The following RAPGEF2 variants were observed in gnomAD, a reference collection of about 807,000 sequenced individuals.
RAPGEF2 encodes the protein Rap guanine nucleotide exchange factor 2, also known as PDZ domain containing guanine nucleotide exchange factor (GEF) 1.
Under a neutral mutation model 186.7 loss-of-function variants are expected in RAPGEF2, and 54 were observed. The ratio of observed to expected loss-of-function variants is 0.29; its 90% CI spans 0.23 to 0.36. RAPGEF2 has a LOEUF of 0.36. Ranked by LOEUF, RAPGEF2 falls within the 10% of genes least tolerant of loss-of-function variation. The pLI, the probability that RAPGEF2 is intolerant of heterozygous loss-of-function variation, is 1.00. For synonymous variants in RAPGEF2, 712 were observed against 705.9 expected, an observed-to-expected ratio of 1.01 and a Z score of -0.14; for missense variants, 1,532 against 2,045.0, an observed-to-expected ratio of 0.75 and a Z score of 4.84.
rs561525232 is a variant in RAPGEF2, at chr4:159,112,421, C to G, written c.69+8190C>G. ...ATGGAAGTAGTAAGGTTAGCCTTAG[C>G]CTTCATATTCTCCAACTGAAATTTA... is the stretch of plus-strand genomic sequence containing the variant. On this transcript the variant is annotated intron_variant, in intron 1 of 29. Coordinates refer to ENST00000691494, the MANE Select transcript of RAPGEF2 (RefSeq NM_001394067.2). Among the ~76,000 whole-genome samples, 3 of 151,862 alleles carry G rather than the reference C, an allele frequency of 2.0e-5. No individual in the cohort carries two copies. In the East Asian group the frequency reaches 5.8e-4, roughly 29 times the overall value.
Position 159,304,295 on chromosome 4 carries a change from G to A in RAPGEF2, c.544-47G>A, listed in dbSNP as rs114423430. On this transcript the variant is annotated intron_variant, in intron 7 of 29. Transcript: ENST00000691494. ...TTTAATTTTAAAATGTCTTCTTGGA[G>A]TTCTTGATTCAGATTGTAATCCTAG... 1,301 of 1,505,972 alleles carry A rather than the reference G, an allele frequency of 8.6e-4. 8 individuals are homozygous for A. The African/African-American group carries it at 0.016, about 18-fold the overall frequency. 93.3% of individuals were successfully genotyped at this position (1,505,972 alleles called of 1,614,324 possible).
intron 1 of RAPGEF2, among the ~76,000 whole-genome samples, chr4:159,104,553 A>AGGGAGAGAGTGTGTGTGT (rs1553991869): frequency 1.5e-5 from 2 of 136,028 alleles, no homozygotes; most frequent in African/African-American, 5.9e-5. Flanking sequence ...AGAGAGAGAG[A>AGGGAGAGAGTGTGTGTGT]GTGTGTGTGT....
chr4:159,341,290 T>A (rs1408390795), intron 19 of RAPGEF2, among the ~76,000 whole-genome samples: 1 of 152,192 alleles, frequency 6.6e-6, no homozygotes, highest in African/African-American at 2.4e-5. Flanking sequence ...GTAAAATACT[T>A]CAGAAATCAG....
chr4:159,207,026 C>T (rs755149470), intron 3 of RAPGEF2, among the ~76,000 whole-genome samples: 1 of 152,218 alleles, frequency 6.6e-6, no homozygotes, highest in African/African-American at 2.4e-5. Flanking sequence ...TTTTGCTTAT[C>T]ATATGTGGCC....
chr4:159,184,654 A>AT (rs1327343701), intron 1 of RAPGEF2, among the ~76,000 whole-genome samples: 4 of 152,200 alleles, frequency 2.6e-5, no homozygotes, highest in African/African-American at 9.6e-5. Flanking sequence ...CCTTTGTCGG[A>AT]TGAGTAGGTT....
intron 4 of RAPGEF2, among the ~76,000 whole-genome samples, chr4:159,218,482 G>T (rs774125192): frequency 1.3e-5 from 2 of 152,142 alleles, no homozygotes; most frequent in African/African-American, 2.4e-5. Flanking sequence ...TTGGCCTGGC[G>T]CAGTGGCTCG....
intron 7 of RAPGEF2, among the ~76,000 whole-genome samples, chr4:159,256,259 C>T (rs1016905781): frequency 6.6e-6 from 1 of 152,146 alleles, no homozygotes; most frequent in Non-Finnish European, 1.5e-5. Flanking sequence ...GTCTGTTGTT[C>T]CCCTCCCTGT....
At position 159,358,032 on chromosome 4, in the gene RAPGEF2, A is replaced by G. The variant is rs1580091542; in HGVS notation, c.4958-82A>G. 3 of 1,328,080 alleles carry G rather than the reference A, an allele frequency of 2.3e-6. No homozygotes were observed. The East Asian group carries it at 7.1e-5, about 31-fold the overall frequency. 82.3% of individuals were successfully genotyped at this position (1,328,080 alleles called of 1,614,324 possible). ...AATAACTATGATAGTTTTATTTAGC[A>G]CATCAGTGAATATATTCTCTATAGC... is the stretch of plus-strand genomic sequence containing the variant. On this transcript the variant is annotated intron_variant, in intron 29 of 29. Coordinates refer to ENST00000691494, the MANE Select transcript of RAPGEF2 (RefSeq NM_001394067.2).
At chr4:159,140,248 T>A (rs926608676) in intron 1 of RAPGEF2, among the ~76,000 whole-genome samples, 1 of 152,234 alleles carries the variant, frequency 6.6e-6, no homozygotes, top group African/African-American at 2.4e-5. Context: ...ATGGTTAGTA[T>A]AGATTCAGTA....
intron 1 of RAPGEF2, among the ~76,000 whole-genome samples, chr4:159,164,544 T>C (rs1745090876): frequency 6.6e-6 from 1 of 152,160 alleles, no homozygotes; most frequent in Admixed American, 6.5e-5. Flanking sequence ...TTATTAGATA[T>C]AAATTATCTA....
At chr4:159,310,527 T>A (rs1763834369) in intron 8 of RAPGEF2, among the ~76,000 whole-genome samples, 1 of 152,144 alleles carries the variant, frequency 6.6e-6, no homozygotes, top group Non-Finnish European at 1.5e-5. Flanking sequence ...TTTTAAAAAA[T>A]GTAAAATAAA....
chr4:159,310,943 T>C (rs181403695), intron 8 of RAPGEF2, among the ~76,000 whole-genome samples: 172 of 152,136 alleles, frequency 1.1e-3, no homozygotes, highest in African/African-American at 3.8e-3. Flanking sequence ...TTATCTTTTA[T>C]GACTTAGCAA....
At chr4:159,336,634 G>A (rs530122495) in intron 17 of RAPGEF2, among the ~76,000 whole-genome samples, 93 of 152,082 alleles carry the variant, frequency 6.1e-4, no homozygotes, top group South Asian at 2.5e-3. Flanking sequence ...TAAACAAAAC[G>A]TGTGCAAGTG....
In RAPGEF2 at chr4:159,331,802, C is replaced by T. The variant is rs1430828723; in HGVS notation, c.1748C>T (p.Ala583Val). ...GACAGTGTAGATTCAGGTAGCAAAGCAACTGAAGCAGGCTTGAAACGGGGG... is the reference window on the plus strand; with the variant it reads ...GACAGTGTAGATTCAGGTAGCAAAGTAACTGAAGCAGGCTTGAAACGGGGG... Reference protein sequence around the residue: ...FVDSVDSGSKATEAGLKRGDQ... With the variant: ...FVDSVDSGSKVTEAGLKRGDQ... Residue 583 changes from alanine to valine, a missense_variant, in exon 15 of 30, where the codon GCA becomes GTA. Physicochemically the swap from Ala to Val is moderately conservative, Grantham distance 64 (BLOSUM62 0). Coordinates refer to ENST00000691494, the MANE Select transcript of RAPGEF2 (RefSeq NM_001394067.2). 2.5e-5 allele frequency: 41 copies of T among 1,613,138 alleles called. No homozygotes were observed. The highest frequency in any genetic ancestry group is 3.4e-5 in the Non-Finnish European group (40 of 1,179,812).
At chr4:159,333,277 C>A (rs1579978100) in intron 17 of RAPGEF2, among the ~76,000 whole-genome samples, 2 of 152,150 alleles carry the variant, frequency 1.3e-5, no homozygotes, top group African/African-American at 4.8e-5. Flanking sequence ...TGCACCCAGC[C>A]GCAGGTTTGG....
At position 159,331,763 on chromosome 4, in the gene RAPGEF2, T is replaced by A; in HGVS notation, c.1709T>A (p.Phe570Tyr). 1 of 1,614,102 alleles carries A rather than the reference T, an allele frequency of 6.2e-7. No homozygotes were observed. The highest frequency in any genetic ancestry group is 1.3e-5 in the African/African-American group (1 of 75,012). The change falls in exon 15 of 30, where the codon TTT becomes TAT. Residue 570 changes from phenylalanine to tyrosine, a missense_variant. Phe to Tyr is a conservative substitution (Grantham distance 22). Coordinates refer to ENST00000691494, the MANE Select transcript of RAPGEF2 (RefSeq NM_001394067.2). ...FILLGGSEKG[F>Y]GIFVDSVDSG... is the part of the protein sequence containing the mutation. ...TTACTTGGAGGCTCTGAGAAGGGAT[T>A]TGGAATCTTTGTTGACAGTGTAGAT...
chr4:159,264,907 C>T (rs1250438918), intron 7 of RAPGEF2, among the ~76,000 whole-genome samples: 1 of 152,036 alleles, frequency 6.6e-6, no homozygotes, highest in Non-Finnish European at 1.5e-5. Context: ...AAGTTTTATC[C>T]ATGGTGTAGC....
chr4:159,176,388 T>G (rs1329444012), intron 1 of RAPGEF2, among the ~76,000 whole-genome samples: 1 of 152,162 alleles, frequency 6.6e-6, no homozygotes, highest in East Asian at 1.9e-4. Flanking sequence ...TTAGTCCCTC[T>G]CCTGCATGAA....
intron 1 of RAPGEF2, among the ~76,000 whole-genome samples, chr4:159,167,728 T>A (rs1371134987): frequency 3.9e-5 from 6 of 152,358 alleles, no homozygotes; most frequent in Non-Finnish European, 7.3e-5. Context: ...TTGACACTAT[T>A]CTTGGCACAA....
Sources: gnomAD v4.1 joint callset for allele counts (sites outside exome capture counted in the v4.1 genomes callset) on GRCh38, gnomAD v4.1.1 for gene constraint, MANE v1.5 for transcripts, NCBI Gene and HGNC (gene_info 2026-07-23, HGNC 2026-07-21) for gene names.